CMTM7: variants seen among roughly 807,000 people sequenced by gnomAD.
CMTM7 encodes CKLF-like MARVEL transmembrane domain-containing protein 7.
In CMTM7, 7 loss-of-function variants were observed where a neutral mutation model predicts 19.3. The observed-to-expected ratio is 0.36, with a 90% CI of 0.21 to 0.68. CMTM7 has a LOEUF of 0.68. Among genes scored for constraint, CMTM7 ranks in the 30% least tolerant of loss-of-function variants. CMTM7 has a pLI of 0.60. For synonymous variants in CMTM7, 87 were observed against 99.3 expected (o/e 0.88, Z 0.74); for missense variants, 193 against 232.6 (o/e 0.83, Z 1.11).
rs942956912 is a variant in CMTM7 at position 32,454,905 on chromosome 3, C to T, written c.*651C>T. ...AACCTGGCCTGAAACAGTTTCCATT[C>T]GAGCTTGTGTCTGGCCCATGGCCCT... On this transcript the variant is annotated 3_prime_UTR_variant, in exon 5 of 5. Coordinates refer to ENST00000334983, the MANE Select transcript of CMTM7 (RefSeq NM_138410.4). 2.6e-5 allele frequency: 5 copies of T among 189,106 alleles called. No individual in the cohort carries two copies. Among genetic ancestry groups the T allele is most frequent in the Non-Finnish European group, 5.6e-5 (5 of 88,848 alleles). The allele number at this position is 189,106 out of a possible 1,614,324, so 11.7% of individuals were successfully genotyped here.
chr3:32,453,246 A>G (rs1696863959), intron 4 of CMTM7, among the ~76,000 whole-genome samples: 1 of 152,084 alleles, frequency 6.6e-6, no homozygotes. Flanking sequence ...TTTGAGACCA[A>G]TCTGAGCAAC....
chr3:32,401,800 G>C (rs1696011274), intron 1 of CMTM7, among the ~76,000 whole-genome samples: 1 of 152,238 alleles, frequency 6.6e-6, no homozygotes, highest in South Asian at 2.1e-4. Context: ...CGTCCGCGGC[G>C]ACTCCTGGGA....
At chr3:32,409,257 C>G (rs1696137489) in intron 1 of CMTM7, among the ~76,000 whole-genome samples, 1 of 152,182 alleles carries the variant, frequency 6.6e-6, no homozygotes, top group Non-Finnish European at 1.5e-5. Context: ...CCCATATCCC[C>G]TTGCCCCAGG....
At chr3:32,428,368 C>T (rs1030446226) in intron 1 of CMTM7, among the ~76,000 whole-genome samples, 14 of 152,180 alleles carry the variant, frequency 9.2e-5, no homozygotes, top group Non-Finnish European at 1.9e-4. Context: ...TTCCTCATCT[C>T]AATACTAACC....
chr3:32,447,760 G>T (rs559775178), intron 2 of CMTM7, among the ~76,000 whole-genome samples: 2 of 151,938 alleles, frequency 1.3e-5, no homozygotes, highest in South Asian at 2.1e-4. Context: ...GCTTTCTTTT[G>T]GTTGTTGTTT....
In CMTM7 at chr3:32,440,912, CTG is replaced by C. The variant is rs1409161614; in HGVS notation, c.160-926_160-925del. ...TCTTTGGCCTTCACGGAAGCTCAGA[CTG>C]TTACTCATTCTACTTTCTTGTACTC... is the stretch of plus-strand genomic sequence containing the variant. On this transcript the variant is annotated intron_variant, in intron 1 of 4. Transcript: ENST00000334983. Among the ~76,000 whole-genome samples, 5 of 152,368 alleles carry C rather than the reference CTG, an allele frequency of 3.3e-5. No homozygotes were observed. The East Asian group carries it at 9.6e-4, about 29-fold the overall frequency.
Position 32,441,959 on chromosome 3 carries a change from G to A in CMTM7, c.279G>A (p.Leu93=), listed in dbSNP as rs1370250109. ...TGATAATGATCCTCGCCTTTTACCT[G>A]GTCCACCTCTTCCGCTTCTACCGCG... ...CDLIMILAFY[L]VHLFRFYRVL... Residue 93 remains leucine (L), a synonymous_variant, in exon 2 of 5, where the codon CTG becomes CTA. Transcript: ENST00000334983. 5 of 1,614,142 alleles carry A rather than the reference G, an allele frequency of 3.1e-6. No homozygotes were observed. The South Asian group carries it at 4.4e-5, about 14-fold the overall frequency.
intron 1 of CMTM7, among the ~76,000 whole-genome samples, chr3:32,414,058 T>G (rs1392026136): frequency 6.6e-6 from 1 of 152,164 alleles, no homozygotes; most frequent in African/African-American, 2.4e-5. Flanking sequence ...CTAGCTTCAG[T>G]GCTCCTCGGA....
intron 1 of CMTM7, among the ~76,000 whole-genome samples, chr3:32,393,901 T>C (rs1477821093): frequency 2.6e-5 from 4 of 152,112 alleles, no homozygotes; most frequent in Admixed American, 1.3e-4. Context: ...GCTCCTCAGC[T>C]AGCCTCTGGC....
At chr3:32,430,978 T>C (rs1696509641) in intron 1 of CMTM7, among the ~76,000 whole-genome samples, 1 of 152,158 alleles carries the variant, frequency 6.6e-6, no homozygotes, top group African/African-American at 2.4e-5. Flanking sequence ...TCAGCAAATA[T>C]CTATGGAGAA....
At chr3:32,427,116 G>T (rs1696444799) in intron 1 of CMTM7, among the ~76,000 whole-genome samples, 1 of 152,214 alleles carries the variant, frequency 6.6e-6, no homozygotes, top group Non-Finnish European at 1.5e-5. Flanking sequence ...GAACTGAGTG[G>T]AAATACAACT....
intron 1 of CMTM7, 39 bp from the exon 2 acceptor site, chr3:32,441,801 T>C (rs543054033): frequency 1.3e-6 from 2 of 1,596,544 alleles, no homozygotes; most frequent in Non-Finnish European, 1.7e-6. Flanking sequence ...GTGCCCGTCT[T>C]GGGCAAGCAT....
At chr3:32,405,132 T>C (rs1023932322) in intron 1 of CMTM7, among the ~76,000 whole-genome samples, 12 of 152,162 alleles carry the variant, frequency 7.9e-5, no homozygotes, top group Non-Finnish European at 1.8e-4. Context: ...CCATGTGAGC[T>C]CGGAAGAGGA....
In CMTM7 at chr3:32,454,298, A is replaced by T. The variant is rs1250389867; in HGVS notation, c.*44A>T. On this transcript the variant is annotated 3_prime_UTR_variant, in exon 5 of 5. Coordinates refer to ENST00000334983, the MANE Select transcript of CMTM7 (RefSeq NM_138410.4). ...GCCCCTCAGGAGCTTTGCAGAGAGG[A>T]GGACGTGTACTCCAGGCGAGGCCTC... The T allele has an allele frequency of 6.2e-7, 1 of 1,613,196 alleles. No homozygotes were observed. The highest frequency in any genetic ancestry group is 1.7e-5 in the Admixed American group (1 of 60,008).
chr3:32,438,344 T>C (rs1696628382), intron 1 of CMTM7, among the ~76,000 whole-genome samples: 1 of 152,132 alleles, frequency 6.6e-6, no homozygotes. Flanking sequence ...GGTAAACTTG[T>C]GTCATGGGAG....
At chr3:32,427,445 G>A (rs938314206) in intron 1 of CMTM7, among the ~76,000 whole-genome samples, 3 of 152,124 alleles carry the variant, frequency 2.0e-5, no homozygotes, top group African/African-American at 4.8e-5. Context: ...GGCGGGAGAG[G>A]TGCCCTCGGT....
intron 1 of CMTM7, among the ~76,000 whole-genome samples, chr3:32,393,724 G>A (rs1454406879): frequency 1.4e-5 from 2 of 148,066 alleles, no homozygotes; most frequent in Admixed American, 6.8e-5. Flanking sequence ...GAGAAGGTCA[G>A]TGAACTGTGC....
chr3:32,435,932 C>A (rs1317694475), intron 1 of CMTM7, among the ~76,000 whole-genome samples: 2 of 152,078 alleles, frequency 1.3e-5, no homozygotes, highest in African/African-American at 4.8e-5. Context: ...ATATCACTTC[C>A]CCTCCCCAGA....
intron 2 of CMTM7, among the ~76,000 whole-genome samples, chr3:32,447,871 C>A (rs1696774833): frequency 6.6e-6 from 1 of 152,108 alleles, no homozygotes; most frequent in Admixed American, 6.5e-5. Flanking sequence ...TCCAATCTGA[C>A]CACCTCTGCA....
Sources: allele counts gnomAD v4.1 joint callset (sites outside exome capture counted in the v4.1 genomes callset), GRCh38; gene constraint gnomAD v4.1.1; transcripts MANE v1.5; gene names NCBI Gene and HGNC (gene_info 2026-07-23, HGNC 2026-07-21).